Variants in PCDH15 observed in about 807,000 individuals in gnomAD.
PCDH15 encodes protocadherin-15.
PCDH15 carries 129 observed loss-of-function variants against 178.5 expected under a neutral mutation model. That is an observed-to-expected ratio of 0.72 (90% CI 0.63 to 0.84). The LOEUF (loss-of-function observed/expected upper bound fraction) is 0.84. PCDH15 is among the 40% of genes least tolerant of loss of function. The pLI is 0.00. For missense variants in PCDH15, 2,230 were observed against 2,099.9 expected, an observed-to-expected ratio of 1.06 and a Z score of -1.21; for synonymous variants, 800 against 732.0, an observed-to-expected ratio of 1.09 and a Z score of -1.50.
chr10:54,985,438 T>G (rs1318759111), intron 2 of PCDH15, among the ~76,000 whole-genome samples: 5 of 152,298 alleles, frequency 3.3e-5, no homozygotes, highest in African/African-American at 9.6e-5. Flanking sequence ...ATAAATCCAC[T>G]GTAAATTGAA....
intron 13 of PCDH15, among the ~76,000 whole-genome samples, chr10:54,167,889 C>T (rs2046423383): frequency 6.6e-6 from 1 of 151,030 alleles, no homozygotes; most frequent in Admixed American, 6.6e-5. Context: ...ATTTCTGTGC[C>T]CCGACCTCTT....
intron 21 of PCDH15, among the ~76,000 whole-genome samples, chr10:53,970,900 G>T (rs1163714031): frequency 6.6e-6 from 1 of 152,062 alleles, no homozygotes; most frequent in Non-Finnish European, 1.5e-5. Flanking sequence ...AGCTATTCCA[G>T]TCAATAGAAA....
intron 2 of PCDH15, among the ~76,000 whole-genome samples, chr10:54,628,679 T>A (rs1034039817): frequency 2.6e-5 from 4 of 152,180 alleles, no homozygotes; most frequent in African/African-American, 7.2e-5. Flanking sequence ...TTGCCCTTGA[T>A]GCCTCTCATG....
At chr10:55,201,052 T>C (rs1840233653) in intron 1 of PCDH15, among the ~76,000 whole-genome samples, 1 of 152,096 alleles carries the variant, frequency 6.6e-6, no homozygotes, top group African/African-American at 2.4e-5. Flanking sequence ...TATACTTCAT[T>C]TCGTATCCTT....
intron 2 of PCDH15, among the ~76,000 whole-genome samples, chr10:55,434,081 T>C (rs1354881473): frequency 1.6e-5 from 2 of 126,508 alleles, no homozygotes; most frequent in Non-Finnish European, 3.2e-5. Context: ...TCTTTTCTTT[T>C]TTTTTTTTTT....
At chr10:53,880,769 A>G (rs2080649878) in intron 26 of PCDH15, among the ~76,000 whole-genome samples, 1 of 152,182 alleles carries the variant, frequency 6.6e-6, no homozygotes, top group African/African-American at 2.4e-5. Flanking sequence ...TGCCTTTAGT[A>G]TTGTTATAAT....
chr10:53,933,324 C>T (rs1208088570), intron 25 of PCDH15, among the ~76,000 whole-genome samples: 2 of 151,694 alleles, frequency 1.3e-5, no homozygotes, highest in African/African-American at 4.9e-5. Context: ...TCCCTCCCCC[C>T]TTCCCCCACC....
At chr10:54,679,444 C>A (rs1222895116) in intron 1 of PCDH15, among the ~76,000 whole-genome samples, 1 of 152,194 alleles carries the variant, frequency 6.6e-6, no homozygotes. Flanking sequence ...TTCCAAAAAT[C>A]ATTCTTCGTG....
intron 25 of PCDH15, among the ~76,000 whole-genome samples, chr10:53,916,733 T>C (rs1175310315): frequency 6.6e-6 from 1 of 152,160 alleles, no homozygotes; most frequent in African/African-American, 2.4e-5. Flanking sequence ...TGTGTGACCT[T>C]ATACAGGTTA....
At chr10:54,474,729 A>G (rs2136765222) in intron 3 of PCDH15, among the ~76,000 whole-genome samples, 1 of 152,120 alleles carries the variant, frequency 6.6e-6, no homozygotes, top group African/African-American at 2.4e-5. Flanking sequence ...AACCTCTCTG[A>G]AGCTACAAAT....
intron 25 of PCDH15, among the ~76,000 whole-genome samples, chr10:53,905,557 G>A (rs1193395110): frequency 1.3e-5 from 2 of 151,962 alleles, no homozygotes; most frequent in South Asian, 2.1e-4. Context: ...GGCTTGTCTC[G>A]AACTCCTGAC....
intron 2 of PCDH15, among the ~76,000 whole-genome samples, chr10:55,373,597 C>T (rs1233945383): frequency 6.6e-6 from 1 of 151,832 alleles, no homozygotes; most frequent in East Asian, 1.9e-4. Flanking sequence ...TGGAGGAAAA[C>T]ATGAGGCCAC....
intron 2 of PCDH15, among the ~76,000 whole-genome samples, chr10:54,626,628 G>A (rs2093558732): frequency 6.6e-6 from 1 of 152,200 alleles, no homozygotes; most frequent in Admixed American, 6.5e-5. Context: ...ATGCCTGGAT[G>A]TCCAGGCAGA....
intron 20 of PCDH15, among the ~76,000 whole-genome samples, chr10:54,016,018 C>T (rs1389998973): frequency 6.6e-6 from 1 of 152,102 alleles, no homozygotes; most frequent in Non-Finnish European, 1.5e-5. Context: ...ACAAACTACG[C>T]ATCTGACAAA....
intron 18 of PCDH15, among the ~76,000 whole-genome samples, chr10:54,050,714 T>C (rs1469663743): frequency 2.6e-5 from 4 of 152,276 alleles, no homozygotes; most frequent in South Asian, 4.1e-4. Flanking sequence ...TTTAGCACTA[T>C]AGACTTTCCT....
chr10:55,478,626 G>A (rs1315780490), intron 2 of PCDH15, among the ~76,000 whole-genome samples: 1 of 150,352 alleles, frequency 6.7e-6, no homozygotes, highest in Non-Finnish European at 1.5e-5. Context: ...ACAAAATTAG[G>A]AGAAGGAAAT....
At chr10:55,334,862 A>G (rs1385070070) in intron 2 of PCDH15, among the ~76,000 whole-genome samples, 1 of 152,208 alleles carries the variant, frequency 6.6e-6, no homozygotes, top group Non-Finnish European at 1.5e-5. Context: ...AGGATTATTT[A>G]TACAGAGTAT....
At chr10:55,253,574 T>G (rs1841903910) in intron 1 of PCDH15, among the ~76,000 whole-genome samples, 1 of 152,058 alleles carries the variant, frequency 6.6e-6, no homozygotes, top group African/African-American at 2.4e-5. Context: ...GATAGCAATG[T>G]GCCATTGTGC....
At chr10:55,577,638 T>C (rs1842521975) in intron 2 of PCDH15, among the ~76,000 whole-genome samples, 1 of 152,078 alleles carries the variant, frequency 6.6e-6, no homozygotes, top group African/African-American at 2.4e-5. Context: ...ATATTCCTGG[T>C]AAAAGACAAA....
Sources: gnomAD v4.1 joint callset for allele counts (sites outside exome capture counted in the v4.1 genomes callset) on GRCh38, gnomAD v4.1.1 for gene constraint, MANE v1.5 for transcripts, NCBI Gene and HGNC (gene_info 2026-07-23, HGNC 2026-07-21) for gene names.